Variants in PRKCH observed in about 807,000 individuals in gnomAD.
PRKCH encodes protein kinase C eta.
PRKCH carries 28 observed loss-of-function variants against 82.5 expected under a neutral mutation model. That is an observed-to-expected ratio of 0.34 (90% CI 0.25 to 0.47). The LOEUF is 0.47. Among genes scored for constraint, PRKCH ranks in the 20% least tolerant of loss-of-function variants. The pLI is 1.00. For missense variants in PRKCH, 705 were observed against 881.8 expected, an observed-to-expected ratio of 0.80 and a Z score of 2.54; for synonymous variants, 322 against 327.4, an observed-to-expected ratio of 0.98 and a Z score of 0.18.
At chr14:61,477,670 A>G (rs1024179544) in intron 9 of PRKCH, among the ~76,000 whole-genome samples, 1 of 152,256 alleles carries the variant, frequency 6.6e-6, no homozygotes, top group Non-Finnish European at 1.5e-5. Flanking sequence ...AACTTATCAG[A>G]ACTGAAACCT....
chr14:61,475,110 T>C (rs1885672494), intron 9 of PRKCH, among the ~76,000 whole-genome samples: 1 of 152,232 alleles, frequency 6.6e-6, no homozygotes, highest in Non-Finnish European at 1.5e-5. Flanking sequence ...TTACACAGTT[T>C]AGGGATCTCC....
chr14:61,210,161 T>TATATATATAA lies in PRKCH; in HGVS notation c.-19+22494_-19+22495insTATATATAAA, dbSNP rs1555369165. 1.6e-3 allele frequency among the ~76,000 whole-genome samples: 150 copies of TATATATATAA among 95,150 alleles called. 7 individuals carry two copies. Among genetic ancestry groups the TATATATATAA allele is most frequent in the Non-Finnish European group, 2.6e-3 (118 of 45,644 alleles). 62.4% of individuals were successfully genotyped at this position (95,150 alleles called of 152,430 possible). ...ATATATATATATATATATATATATA[T>TATATATATAA]AAATTAGCTTGGCATAGTGGCAGGC... is the stretch of plus-strand genomic sequence containing the variant. On this transcript the variant is annotated intron_variant, in intron 1 of 3. Coordinates refer to the PRKCH transcript ENST00000555185.
At chr14:61,256,967 C>A (rs76558418) in intron 1 of PRKCH, among the ~76,000 whole-genome samples, 1 of 152,116 alleles carries the variant, frequency 6.6e-6, no homozygotes, top group African/African-American at 2.4e-5. Flanking sequence ...TATCTTGGCC[C>A]GCCATGTCTC....
intron 1 of PRKCH, among the ~76,000 whole-genome samples, chr14:61,247,119 A>C (rs760684743): frequency 2.5e-4 from 38 of 152,216 alleles, no homozygotes; most frequent in African/African-American, 8.4e-4. Flanking sequence ...GGCAGGAACT[A>C]TGTCCTATTC....
At chr14:61,263,418 C>T (rs930479569) in intron 1 of PRKCH, among the ~76,000 whole-genome samples, 9 of 151,986 alleles carry the variant, frequency 5.9e-5, no homozygotes, top group African/African-American at 2.2e-4. Flanking sequence ...ATCATTTAAT[C>T]TTTACTACAA....
At chr14:61,461,502 C>T (rs555497167) in intron 9 of PRKCH, among the ~76,000 whole-genome samples, 1 of 152,328 alleles carries the variant, frequency 6.6e-6, no homozygotes, top group Non-Finnish European at 1.5e-5. Context: ...AGCCAAACAT[C>T]ACATGGTTTC....
chr14:61,505,395 C>CTTTTCTTTTTTTT (rs762878496), intron 10 of PRKCH, among the ~76,000 whole-genome samples: 1 of 55,740 alleles, frequency 1.8e-5, no homozygotes, highest in Non-Finnish European at 3.2e-5. Context: ...CTTTTCTTTT[C>CTTTTCTTTTTTTT]TTTTTTTTTT....
At chr14:61,274,840 T>A (rs1268376901) in intron 1 of PRKCH, among the ~76,000 whole-genome samples, 1 of 152,152 alleles carries the variant, frequency 6.6e-6, no homozygotes, top group Non-Finnish European at 1.5e-5. Context: ...AGACACAGAT[T>A]ATGCCACTTA....
At chr14:61,427,701 C>T (rs1594693975) in intron 2 of PRKCH, among the ~76,000 whole-genome samples, 2 of 152,196 alleles carry the variant, frequency 1.3e-5, no homozygotes, top group East Asian at 3.9e-4. Context: ...ATCCTTCTGC[C>T]TCAGCTGCCC....
chr14:61,502,459 A>C (rs1367607180), intron 10 of PRKCH, among the ~76,000 whole-genome samples: 1 of 152,162 alleles, frequency 6.6e-6, no homozygotes, highest in Non-Finnish European at 1.5e-5. Flanking sequence ...TTTTCAGATC[A>C]GGCAACAGGC....
In PRKCH at chr14:61,535,256, C is replaced by G. The variant is rs115884619; in HGVS notation, c.1761+4661C>G. Among the ~76,000 whole-genome samples, 469 of 152,170 alleles carry G rather than the reference C, an allele frequency of 3.1e-3. 4 individuals are homozygous for G. Among genetic ancestry groups the G allele is most frequent in the African/African-American group, 0.011 (446 of 41,496 alleles). On this transcript the variant is annotated intron_variant, in intron 12 of 13. Coordinates refer to ENST00000332981, the MANE Select transcript of PRKCH (RefSeq NM_006255.5). ...CAGTGATGAGTGAGGCAAACATGAT[C>G]CTGCTCTTGTGGAATTTACAGTCCA...
At chr14:61,330,366 G>A (rs905937286) in intron 1 of PRKCH, among the ~76,000 whole-genome samples, 6 of 152,188 alleles carry the variant, frequency 3.9e-5, no homozygotes, top group Admixed American at 3.9e-4. Flanking sequence ...CCTTTTGAAA[G>A]GTAAATGTTC....
chr14:61,432,065 CTCTTTT>C (rs1237327870), intron 2 of PRKCH, among the ~76,000 whole-genome samples: 1 of 93,740 alleles, frequency 1.1e-5, no homozygotes, highest in Non-Finnish European at 2.3e-5. Flanking sequence ...GAATCTCTCT[CTCTTTT>C]TTTTTTTTTT....
chr14:61,387,650 GTA>G (rs953903391), intron 1 of PRKCH, among the ~76,000 whole-genome samples: 1 of 152,172 alleles, frequency 6.6e-6, no homozygotes, highest in African/African-American at 2.4e-5. Flanking sequence ...CATCAGCAGT[GTA>G]TAGAAGGAAC....
chr14:61,544,325 C>T (rs78055623), intron 12 of PRKCH: 1 of 152,160 alleles, frequency 6.6e-6, no homozygotes, highest in African/African-American at 2.4e-5. Context: ...ATCTCATTTT[C>T]CACGAGAAGT....
At chr14:61,406,112 A>G (rs911254224) in intron 2 of PRKCH, among the ~76,000 whole-genome samples, 1 of 152,126 alleles carries the variant, frequency 6.6e-6, no homozygotes. Context: ...GCCAATTTGG[A>G]TATCCCTGTT....
At chr14:61,343,114 G>T (rs115892309) in intron 1 of PRKCH, among the ~76,000 whole-genome samples, 3 of 152,116 alleles carry the variant, frequency 2.0e-5, no homozygotes, top group African/African-American at 7.2e-5. Context: ...GAATATAATC[G>T]CTACTTAACT....
intron 1 of PRKCH, among the ~76,000 whole-genome samples, chr14:61,189,676 A>G (rs926457301): frequency 3.5e-5 from 5 of 144,284 alleles, no homozygotes; most frequent in Non-Finnish European, 6.1e-5. Flanking sequence ...AGTGTATGTT[A>G]CTTGATTTTT....
intron 1 of PRKCH, among the ~76,000 whole-genome samples, chr14:61,366,514 T>C (rs1594950280): frequency 6.6e-6 from 1 of 152,042 alleles, no homozygotes; most frequent in East Asian, 1.9e-4. Flanking sequence ...TCAGTGGAGG[T>C]TGCAGGTTGG....
Sources: gnomAD v4.1 joint callset for allele counts (sites outside exome capture counted in the v4.1 genomes callset) on GRCh38, gnomAD v4.1.1 for gene constraint, MANE v1.5 for transcripts, NCBI Gene and HGNC (gene_info 2026-07-23, HGNC 2026-07-21) for gene names.